FBRSL1: variants seen among roughly 807,000 people sequenced by gnomAD.
FBRSL1 encodes the protein fibrosin like 1, also known as fibrosin-1-like protein.
In FBRSL1, 51 loss-of-function variants were observed where a neutral mutation model predicts 89.6. The ratio of observed to expected loss-of-function variants is 0.57; its 90% CI spans 0.45 to 0.72. The LOEUF is 0.72. FBRSL1 is among the 30% of genes least tolerant of loss of function. FBRSL1 has a pLI of 0.00. For missense variants in FBRSL1, 1,618 were observed against 1,451.8 expected (o/e 1.11, Z -1.86); for synonymous variants, 779 against 681.1 (o/e 1.14, Z -2.24).
At chr12:132,555,630 C>A (rs1267280646) in intron 5 of FBRSL1, among the ~76,000 whole-genome samples, 1 of 152,202 alleles carries the variant, frequency 6.6e-6, no homozygotes, top group African/African-American at 2.4e-5. Context: ...CCTCCAGAGG[C>A]CCCAGAGGAG....
Position 132,551,482 on chromosome 12 carries a change from C to T in FBRSL1, c.645+3450C>T, listed in dbSNP as rs554692694. On this transcript the variant is annotated intron_variant, in intron 5 of 18. Coordinates refer to ENST00000680143, the MANE Select transcript of FBRSL1 (RefSeq NM_001367871.1). Reference sequence around the variant, plus strand: ...GTGCACCCCGAGGAAGCCTTCTGGACGGAGTGGTGGGGAGGGCGCGGGCGC... The same window carrying T: ...GTGCACCCCGAGGAAGCCTTCTGGATGGAGTGGTGGGGAGGGCGCGGGCGC... The T allele has an allele frequency of 5.7e-5, 26 of 456,306 alleles. No homozygotes were observed. The Middle Eastern group carries it at 1.3e-3, about 23-fold the overall frequency. 28.3% of individuals were successfully genotyped at this position (456,306 alleles called of 1,614,324 possible).
chr12:132,569,324 G>A (rs913552176), intron 6 of FBRSL1, among the ~76,000 whole-genome samples: 35 of 151,514 alleles, frequency 2.3e-4, no homozygotes, highest in Admixed American at 7.9e-4. Flanking sequence ...GGCGGGTGAC[G>A]GGCAGTCACA....
chr12:132,562,879 TTC>T (rs745875299), intron 5 of FBRSL1, among the ~76,000 whole-genome samples: 7 of 152,118 alleles, frequency 4.6e-5, no homozygotes, highest in Non-Finnish European at 7.4e-5. Context: ...ACACCTGGTC[TTC>T]TCTGATACGT....
intron 1 of FBRSL1, among the ~76,000 whole-genome samples, chr12:132,492,809 G>A (rs564000055): frequency 2.0e-5 from 3 of 152,316 alleles, no homozygotes; most frequent in Non-Finnish European, 4.4e-5. Flanking sequence ...TCTGCCCTTC[G>A]GAGCCTGCCT....
In FBRSL1 at chr12:132,583,489, C is replaced by G. The variant is rs1383640286; in HGVS notation, c.2720C>G (p.Ala907Gly). The G allele has an allele frequency of 1.8e-5, 19 of 1,048,614 alleles. No individual in the cohort carries two copies. The highest frequency in any genetic ancestry group is 1.8e-5 in the Non-Finnish European group (16 of 870,114). 65.0% of individuals were successfully genotyped at this position (1,048,614 alleles called of 1,614,324 possible). A position where few individuals can be genotyped will look rare whatever the true frequency, so the allele number is the denominator to read the frequency against. Residue 907 changes from alanine to glycine, a missense_variant, in exon 19 of 19, where the codon GCC becomes GGC. By Grantham distance (60) the Ala-to-Gly change is moderately conservative (BLOSUM62 0). Transcript: ENST00000680143. ...CGCGGGGAGCTGGAGCGCGCGCGGG[C>G]CCCGCACCTGCCGCCCGCCGCCCCC... is the stretch of plus-strand genomic sequence containing the variant. Reference protein sequence around the residue: ...RLRGELERARAPHLPPAAPAL... With the variant: ...RLRGELERARGPHLPPAAPAL...
chr12:132,520,241 C>T (rs1441621682), intron 2 of FBRSL1, among the ~76,000 whole-genome samples: 2 of 151,866 alleles, frequency 1.3e-5, no homozygotes, highest in Non-Finnish European at 2.9e-5. Context: ...CTCCAGCAAC[C>T]CTCCTTGCAC....
chr12:132,582,012 G>A, intron 17 of FBRSL1, 50 bp from the exon 18 acceptor site: 1 of 1,459,156 alleles, frequency 6.9e-7, no homozygotes, highest in African/African-American at 1.4e-5. Flanking sequence ...CTGGGGAGTG[G>A]CTGGGGAGCA....
intron 2 of FBRSL1, chr12:132,509,363 G>A: frequency 8.0e-7 from 1 of 1,245,206 alleles, no homozygotes. Flanking sequence ...GCTGGCCCCA[G>A]CGGTCACTTC....
chr12:132,546,181 A>G lies in FBRSL1; in HGVS notation c.616-1822A>G, dbSNP rs1187130117. On this transcript the variant is annotated intron_variant, in intron 4 of 18. Coordinates refer to ENST00000680143, the MANE Select transcript of FBRSL1 (RefSeq NM_001367871.1). The surrounding 1 kb of genome is among the most constrained non-coding windows in gnomAD (Gnocchi z 4.0). ...TCTTTGCTTCCTTTGCTCCTGGCTG[A>G]GCCTGGGCAGTTCCATTTCATACTT... Among the ~76,000 whole-genome samples the G allele has an allele frequency of 1.3e-5, 2 of 152,174 alleles. No individual in the cohort carries two copies. Among genetic ancestry groups the G allele is most frequent in the African/African-American group, 4.8e-5 (2 of 41,434 alleles).
At chr12:132,507,974 C>T (rs966424321) in intron 1 of FBRSL1, among the ~76,000 whole-genome samples, 179 bp from the exon 2 acceptor site, 2 of 152,188 alleles carry the variant, frequency 1.3e-5, no homozygotes, top group Non-Finnish European at 2.9e-5. Context: ...AGCAGCATCT[C>T]ACCTGCCATC....
chr12:132,543,223 C>T (rs997369461), intron 4 of FBRSL1, among the ~76,000 whole-genome samples: 3 of 152,236 alleles, frequency 2.0e-5, no homozygotes, highest in African/African-American at 7.2e-5. Flanking sequence ...ACGTTGCCTC[C>T]TCCGACTCAG....
At chr12:132,566,063 C>T (rs1178410281) in intron 5 of FBRSL1, 1 of 152,158 alleles carries the variant, frequency 6.6e-6, no homozygotes, top group East Asian at 1.9e-4. Context: ...ATTTACATCT[C>T]AAGTCTTAGT....
At position 132,490,221 on chromosome 12, in the gene FBRSL1, C is replaced by A. The variant is rs1441781459; in HGVS notation, c.-350C>A. On this transcript the variant is annotated 5_prime_UTR_variant, in exon 1 of 19. Coordinates refer to ENST00000680143, the MANE Select transcript of FBRSL1 (RefSeq NM_001367871.1). ...GGTGCCCAGGAGCCCGGCCGCCTCC[C>A]GCCTGCCGCCTGCCGCGCCCGCCCG... 1.4e-5 allele frequency: 2 copies of A among 142,288 alleles called. No individual in the cohort carries two copies. The highest frequency in any genetic ancestry group is 3.7e-4 in the South Asian group (2 of 5,426). 8.8% of individuals were successfully genotyped at this position (142,288 alleles called of 1,614,324 possible).
chr12:132,505,972 C>T (rs548420830), intron 1 of FBRSL1, among the ~76,000 whole-genome samples: 3 of 152,374 alleles, frequency 2.0e-5, no homozygotes, highest in Non-Finnish European at 4.4e-5. Context: ...GGCTGCAGTG[C>T]TGGCTGGGGG....
At chr12:132,494,111 G>T (rs2031593698) in intron 1 of FBRSL1, among the ~76,000 whole-genome samples, 1 of 152,196 alleles carries the variant, frequency 6.6e-6, no homozygotes, top group Non-Finnish European at 1.5e-5. Context: ...GTGGGGACAG[G>T]AGGCCTGAGG....
chr12:132,582,954 C>T lies in FBRSL1; in HGVS notation c.2202-17C>T, dbSNP rs2040883878. 4 of 1,396,914 alleles carry T rather than the reference C, an allele frequency of 2.9e-6. No homozygotes were observed. The highest frequency in any genetic ancestry group is 2.8e-6 in the Non-Finnish European group (3 of 1,084,456). 86.5% of individuals were successfully genotyped at this position (1,396,914 alleles called of 1,614,324 possible). ...ACGGAGGTCTCGGGAGTGACGGGTCCGCCCTGCCGCCCCCAGGGACCTCCT... is the reference window on the plus strand; with the variant it reads ...ACGGAGGTCTCGGGAGTGACGGGTCTGCCCTGCCGCCCCCAGGGACCTCCT... On this transcript the variant is annotated splice_polypyrimidine_tract_variant and intron_variant, in intron 18 of 18. Coordinates refer to ENST00000680143, the MANE Select transcript of FBRSL1 (RefSeq NM_001367871.1).
intron 2 of FBRSL1, among the ~76,000 whole-genome samples, chr12:132,515,064 CTG>C (rs1413669044): frequency 6.6e-6 from 1 of 152,172 alleles, no homozygotes; most frequent in African/African-American, 2.4e-5. Context: ...AATATACCCT[CTG>C]TGAGTGCTTA....
chr12:132,519,902 A>AG (rs950749830), intron 2 of FBRSL1, among the ~76,000 whole-genome samples: 1 of 150,732 alleles, frequency 6.6e-6, no homozygotes, highest in African/African-American at 2.4e-5. Context: ...TCTGTCTCAA[A>AG]AAAAAAAAAA....
chr12:132,509,549 C>T (rs1229067339), intron 2 of FBRSL1: 8 of 1,233,034 alleles, frequency 6.5e-6, no homozygotes, highest in Non-Finnish European at 8.1e-6. Context: ...GCTGCAGGCG[C>T]CTGCGGTCCC....
Sources: gnomAD v4.1 joint callset for allele counts (sites outside exome capture counted in the v4.1 genomes callset) on GRCh38, gnomAD v4.1.1 for gene constraint, Gnocchi (gnomAD v3.1) non-coding constraint, MANE v1.5 for transcripts, NCBI Gene and HGNC (gene_info 2026-07-23, HGNC 2026-07-21) for gene names.